The following RAB11FIP4 variants were observed in gnomAD, a reference collection of about 807,000 sequenced individuals.
RAB11FIP4 encodes the protein RAB11 family interacting protein 4.
Under a neutral mutation model 74.3 loss-of-function variants are expected in RAB11FIP4, and 23 were observed. The ratio of observed to expected loss-of-function variants is 0.31; its 90% CI spans 0.22 to 0.44. The LOEUF is 0.44. Among genes scored for constraint, RAB11FIP4 ranks in the 20% least tolerant of loss-of-function variants. The pLI, the probability that RAB11FIP4 is intolerant of heterozygous loss-of-function variation, is 1.00. For synonymous variants in RAB11FIP4, 360 were observed against 359.9 expected, an observed-to-expected ratio of 1.00 and a Z score of 0.00; for missense variants, 630 against 863.9, an observed-to-expected ratio of 0.73 and a Z score of 3.39.
intron 3 of RAB11FIP4, among the ~76,000 whole-genome samples, chr17:31,462,514 C>T (rs1319355580): frequency 3.9e-5 from 6 of 152,144 alleles, no homozygotes; most frequent in African/African-American, 7.2e-5. Context: ...GGGACTTTCC[C>T]GAGGTCTCAT....
At chr17:31,399,770 G>T (rs754038415) in intron 1 of RAB11FIP4, among the ~76,000 whole-genome samples, 1 of 151,608 alleles carries the variant, frequency 6.6e-6, no homozygotes, top group East Asian at 1.9e-4. Flanking sequence ...TAGGCCCAGC[G>T]CAGTGGCTCA....
chr17:31,486,948 C>A (rs2071909674), intron 3 of RAB11FIP4, among the ~76,000 whole-genome samples: 1 of 152,112 alleles, frequency 6.6e-6, no homozygotes, highest in South Asian at 2.1e-4. Flanking sequence ...GAGAAGTGGG[C>A]AAAGCTGGTG....
Position 31,531,645 on chromosome 17 carries a change from G to C in RAB11FIP4, c.1827G>C (p.Glu609Asp). Residue 609 changes from glutamate (E) to aspartate (D), a missense_variant, in exon 15 of 15, where the codon GAG (glutamate) becomes GAC (aspartate). Physicochemically the swap from Glu to Asp is conservative, Grantham distance 45. Transcript: ENST00000621161. ...ELMEALKEQE[E>D]INFRLRQYMD... ...TGGAAGCCCTGAAGGAGCAGGAGGA[G>C]ATCAACTTCCGGCTGAGGCAGTACA... 2.5e-6 allele frequency: 4 copies of C among 1,613,938 alleles called. No individual in the cohort carries two copies. The highest frequency in any genetic ancestry group is 3.4e-6 in the Non-Finnish European group (4 of 1,179,808).
In RAB11FIP4 at chr17:31,423,161, C is replaced by T. The variant is rs185742304; in HGVS notation, c.160-8652C>T. Among the ~76,000 whole-genome samples the T allele has an allele frequency of 1.3e-3, 203 of 152,186 alleles. 3 individuals carry two copies. Among genetic ancestry groups the T allele is most frequent in the African/African-American group, 4.7e-3 (194 of 41,542 alleles). ...GTCTCTATCTCCTGACCTCGTGATC[C>T]GCCCGCCTCTGCCTCCCAAAGTGCT... is the stretch of plus-strand genomic sequence containing the variant. On this transcript the variant is annotated intron_variant, in intron 1 of 14. Transcript: ENST00000621161.
chr17:31,519,278 T>C (rs1265605416), intron 4 of RAB11FIP4, among the ~76,000 whole-genome samples: 1 of 152,156 alleles, frequency 6.6e-6, no homozygotes, highest in Admixed American at 6.5e-5. Context: ...CCTCCCAAAG[T>C]GCTGGGATTA....
intron 3 of RAB11FIP4, among the ~76,000 whole-genome samples, chr17:31,491,135 C>T (rs980571602): frequency 6.6e-6 from 1 of 152,264 alleles, no homozygotes; most frequent in Admixed American, 6.5e-5. Context: ...TTGGCAGTCC[C>T]ACCTGGTGCC....
intron 3 of RAB11FIP4, among the ~76,000 whole-genome samples, chr17:31,484,322 C>T (rs562461138): frequency 2.6e-5 from 4 of 151,890 alleles, no homozygotes; most frequent in African/African-American, 7.2e-5. Context: ...CTGCCCGCCT[C>T]GGCCTCCCAA....
chr17:31,411,042 G>A (rs938881085), intron 1 of RAB11FIP4, among the ~76,000 whole-genome samples: 3 of 152,118 alleles, frequency 2.0e-5, no homozygotes, highest in Non-Finnish European at 2.9e-5. Flanking sequence ...AGGATGCGTA[G>A]GCCCTGGATC....
At chr17:31,514,293 T>C (rs1434992330) in intron 3 of RAB11FIP4, among the ~76,000 whole-genome samples, 1 of 152,218 alleles carries the variant, frequency 6.6e-6, no homozygotes, top group Non-Finnish European at 1.5e-5. Flanking sequence ...AGTGGGGCAG[T>C]GCCCGGCACA....
intron 3 of RAB11FIP4, among the ~76,000 whole-genome samples, chr17:31,462,437 C>T (rs1340418978): frequency 1.3e-5 from 2 of 151,992 alleles, no homozygotes; most frequent in Non-Finnish European, 2.9e-5. Context: ...CTGGAGTATC[C>T]GCTTGGAAAT....
chr17:31,464,749 C>CTTT (rs58083480), intron 3 of RAB11FIP4, among the ~76,000 whole-genome samples: 12,792 of 39,642 alleles, frequency 0.32, 4,471 homozygotes, highest in Non-Finnish European at 0.37. Context: ...CTGTGCCCGG[C>CTTT]TTTTTTTTTT....
intron 3 of RAB11FIP4, among the ~76,000 whole-genome samples, chr17:31,440,242 A>G (rs755547275): frequency 1.4e-4 from 21 of 152,064 alleles, no homozygotes; most frequent in Non-Finnish European, 3.1e-4. Context: ...CTTCCTCAAT[A>G]TGGCCAGTAC....
At position 31,450,606 on chromosome 17, in the gene RAB11FIP4, C is replaced by T. The variant is rs576536669; in HGVS notation, c.336+16484C>T. ...GTGATCTGTCCACCTCAGCCTTGCC[C>T]GCCCTCCTCCTGGGTCCCTTTAAAT... On this transcript the variant is annotated intron_variant, in intron 3 of 14. Transcript: ENST00000621161. 1.6e-4 allele frequency among the ~76,000 whole-genome samples: 24 copies of T among 151,930 alleles called. No individual in the cohort carries two copies. The East Asian group carries it at 3.5e-3, about 22-fold the overall frequency.
At chr17:31,484,439 A>G (rs1463838747) in intron 3 of RAB11FIP4, among the ~76,000 whole-genome samples, 1 of 151,916 alleles carries the variant, frequency 6.6e-6, no homozygotes, top group Non-Finnish European at 1.5e-5. Flanking sequence ...TACCTAACTC[A>G]AGACCTTCCT....
chr17:31,505,555 A>AT (rs2072316953), intron 3 of RAB11FIP4, among the ~76,000 whole-genome samples: 4 of 87,894 alleles, frequency 4.6e-5, no homozygotes, highest in African/African-American at 1.4e-4. Flanking sequence ...TATATATAAT[A>AT]ATAATTATAA....
At chr17:31,520,594 A>C (rs1597978722) in intron 4 of RAB11FIP4, among the ~76,000 whole-genome samples, 1 of 151,534 alleles carries the variant, frequency 6.6e-6, no homozygotes. Context: ...TGCAAGCTCC[A>C]CCTCCCGGGT....
intron 3 of RAB11FIP4, among the ~76,000 whole-genome samples, chr17:31,442,279 G>A (rs1275489372): frequency 2.0e-5 from 3 of 152,124 alleles, no homozygotes; most frequent in Non-Finnish European, 1.5e-5. Context: ...GATTACAGGC[G>A]TGAGCCACCA....
At chr17:31,431,948 A>T (rs1696599490) in intron 2 of RAB11FIP4, 48 bp downstream of exon 2, 1 of 1,369,962 alleles carries the variant, frequency 7.3e-7, no homozygotes, top group African/African-American at 1.4e-5. Flanking sequence ...GGTCCTGCCC[A>T]GCTGGGGAAG....
At position 31,484,350 on chromosome 17, in the gene RAB11FIP4, A is replaced by C. The variant is rs562071053; in HGVS notation, c.337-33301A>C. Among the ~76,000 whole-genome samples the C allele has an allele frequency of 3.4e-4, 52 of 151,448 alleles. No homozygotes were observed. The South Asian group carries it at 9.9e-3, about 29-fold the overall frequency. ...CCTCCCAAAGTGCTGGGATTACAGG[A>C]GTGAGCCACTGCGCCGGGCCTGACA... On this transcript the variant is annotated intron_variant, in intron 3 of 14. Transcript: ENST00000621161.
Sources: allele counts gnomAD v4.1 joint callset (sites outside exome capture counted in the v4.1 genomes callset), GRCh38; gene constraint gnomAD v4.1.1; transcripts MANE v1.5; gene names NCBI Gene and HGNC (gene_info 2026-07-23, HGNC 2026-07-21).